Variants in FAM135B observed in about 807,000 individuals in gnomAD.
FAM135B encodes the protein family with sequence similarity 135 member B.
A neutral mutation model predicts 127.7 loss-of-function variants in FAM135B; 43 were observed. The ratio of observed to expected loss-of-function variants is 0.34; its 90% CI spans 0.26 to 0.43. The LOEUF (loss-of-function observed/expected upper bound fraction) is 0.43. Ranked by LOEUF, FAM135B falls within the 20% of genes least tolerant of loss-of-function variation. The pLI, the probability that FAM135B is intolerant of heterozygous loss-of-function variation, is 1.00. For missense variants in FAM135B, 1,558 were observed against 1,725.6 expected (o/e 0.90, Z 1.72); for synonymous variants, 670 against 665.1 (o/e 1.01, Z -0.11).
At position 138,241,861 on chromosome 8, in the gene FAM135B, T is replaced by C. The variant is rs1820804484; in HGVS notation, c.669+1081A>G. Among the ~76,000 whole-genome samples, 1 of 152,148 alleles carries C rather than the reference T, an allele frequency of 6.6e-6. No individual in the cohort carries two copies. On this transcript the variant is annotated intron_variant, in intron 7 of 19. Transcript: ENST00000395297. The surrounding 1 kb of genome is among the most constrained non-coding windows in gnomAD (Gnocchi z 4.8). ...GAACTGGTCAATTGAATAAAGCAGATAGCCCTCTCCAACATGAATAGGCCT... is the reference window on the plus strand; with the variant it reads ...GAACTGGTCAATTGAATAAAGCAGACAGCCCTCTCCAACATGAATAGGCCT...
At chr8:138,176,882 C>A (rs1814522878) in intron 11 of FAM135B, among the ~76,000 whole-genome samples, 1 of 152,170 alleles carries the variant, frequency 6.6e-6, no homozygotes, top group African/African-American at 2.4e-5. Context: ...GAGTACCTTT[C>A]AATTTTTTTT....
At position 138,170,450 on chromosome 8, in the gene FAM135B, G is replaced by A. The variant is rs372161419; in HGVS notation, c.1104-2401C>T. Among the ~76,000 whole-genome samples the A allele has an allele frequency of 4.6e-5, 7 of 152,166 alleles. No individual in the cohort carries two copies. The East Asian group carries it at 5.8e-4, about 13-fold the overall frequency. On this transcript the variant is annotated intron_variant, in intron 11 of 19. Transcript: ENST00000395297. ...TTGGTCAGGCTGGTCTTGAACTCCC[G>A]ACCTCAGGTGATCTGCCCACCTAGG...
At chr8:138,215,455 T>C (rs1292741795) in intron 7 of FAM135B, among the ~76,000 whole-genome samples, 2 of 152,122 alleles carry the variant, frequency 1.3e-5, no homozygotes, top group African/African-American at 4.8e-5. Context: ...ACCACCATGA[T>C]CCCTGGAAAT....
At chr8:138,387,426 C>T (rs1832284463) in intron 1 of FAM135B, among the ~76,000 whole-genome samples, 1 of 152,166 alleles carries the variant, frequency 6.6e-6, no homozygotes, top group Non-Finnish European at 1.5e-5. Flanking sequence ...GAAGCAAATG[C>T]AGTTCAGATA....
intron 1 of FAM135B, among the ~76,000 whole-genome samples, chr8:138,404,604 T>A (rs1833346886): frequency 6.6e-6 from 1 of 152,194 alleles, no homozygotes. Flanking sequence ...TACAGCTGCC[T>A]TATCAACTAA....
chr8:138,222,637 G>A (rs1457165132), intron 7 of FAM135B, among the ~76,000 whole-genome samples: 1 of 150,844 alleles, frequency 6.6e-6, no homozygotes, highest in Non-Finnish European at 1.5e-5. Flanking sequence ...AGATGTGGTG[G>A]GGTTTTTTGT....
At chr8:138,370,451 T>G (rs529046973) in intron 1 of FAM135B, among the ~76,000 whole-genome samples, 24 of 151,946 alleles carry the variant, frequency 1.6e-4, no homozygotes, top group Non-Finnish European at 3.2e-4. Flanking sequence ...GGTTTTTGTT[T>G]GTTTGTTTGT....
At chr8:138,484,516 TA>T (rs540347734) in intron 1 of FAM135B, among the ~76,000 whole-genome samples, 117 of 152,340 alleles carry the variant, frequency 7.7e-4, no homozygotes, top group Non-Finnish European at 6.6e-4. Context: ...TCTTGGCTTT[TA>T]TTTTTTTAGG....
chr8:138,240,190 T>C (rs1820634128), intron 7 of FAM135B, among the ~76,000 whole-genome samples: 1 of 152,090 alleles, frequency 6.6e-6, no homozygotes, highest in Non-Finnish European at 1.5e-5. Flanking sequence ...AGTGAATGAG[T>C]TCCCCCAAGC....
In FAM135B at chr8:138,159,189, G is replaced by A. The variant is rs1465586379; in HGVS notation, c.1259-5973C>T. Among the ~76,000 whole-genome samples the A allele has an allele frequency of 9.5e-4, 137 of 144,100 alleles. 1 individual carries two copies. The South Asian group carries it at 0.013, about 14-fold the overall frequency. 94.5% of individuals were successfully genotyped at this position (144,100 alleles called of 152,430 possible). A position where few individuals can be genotyped will look rare whatever the true frequency, so the allele number is the denominator to read the frequency against. ...CGGGAGGCTGAGGCAGGAGAATGGC[G>A]TGAACCCGGGAAGCGGAGCTTGCAG... On this transcript the variant is annotated intron_variant, in intron 12 of 19. Transcript: ENST00000395297.
chr8:138,293,076 G>C (rs769939005), intron 3 of FAM135B, among the ~76,000 whole-genome samples: 1 of 152,092 alleles, frequency 6.6e-6, no homozygotes, highest in Non-Finnish European at 1.5e-5. Flanking sequence ...GAAAAGAATA[G>C]AGAACTCAGA....
intron 7 of FAM135B, among the ~76,000 whole-genome samples, chr8:138,208,868 C>T (rs530750204): frequency 5.9e-5 from 9 of 151,980 alleles, no homozygotes; most frequent in Non-Finnish European, 1.0e-4. Flanking sequence ...TTGACCTATT[C>T]AGAACTTTTA....
At chr8:138,216,663 G>T (rs1413581761) in intron 7 of FAM135B, among the ~76,000 whole-genome samples, 3 of 152,192 alleles carry the variant, frequency 2.0e-5, no homozygotes, top group East Asian at 3.8e-4. Context: ...ATGTGTTTAT[G>T]AACAAGTTGG....
rs114710385 is a variant in FAM135B at position 138,394,852 on chromosome 8, C to T, written c.-19-26850G>A. Among the ~76,000 whole-genome samples, 339 of 152,236 alleles carry T rather than the reference C, an allele frequency of 2.2e-3. 1 individual carries two copies. The highest frequency in any genetic ancestry group is 7.8e-3 in the African/African-American group (326 of 41,548). On this transcript the variant is annotated intron_variant, in intron 1 of 19. Transcript: ENST00000395297. ...AGCTGTCCGTGTAAGCAGCAGCACT[C>T]GAGTTAATTGCCAGCTGGGTACACG...
intron 6 of FAM135B, among the ~76,000 whole-genome samples, chr8:138,244,876 T>C (rs1231886863): frequency 6.6e-6 from 1 of 152,162 alleles, no homozygotes; most frequent in Non-Finnish European, 1.5e-5. Context: ...CTTCAGCTTG[T>C]TTTAGTGAAG....
intron 1 of FAM135B, among the ~76,000 whole-genome samples, chr8:138,479,683 A>G (rs893661592): frequency 6.6e-6 from 1 of 152,238 alleles, no homozygotes; most frequent in Admixed American, 6.5e-5. Context: ...AATGCCTGCT[A>G]AAATAAATTC....
intron 1 of FAM135B, among the ~76,000 whole-genome samples, chr8:138,404,822 A>C (rs1223394640): frequency 6.6e-6 from 1 of 152,126 alleles, no homozygotes; most frequent in African/African-American, 2.4e-5. Context: ...CTTCTAACAC[A>C]TCTACAGTTA....
chr8:138,442,237 CATATATATATATATATATATATATAT>C (rs759993575), intron 1 of FAM135B, among the ~76,000 whole-genome samples: 11 of 51,898 alleles, frequency 2.1e-4, no homozygotes, highest in African/African-American at 2.0e-4. Context: ...ATATGGACAC[CATATATATATATATATATATATATAT>C]ATATATATAT....
intron 2 of FAM135B, among the ~76,000 whole-genome samples, chr8:138,333,354 C>T (rs973351215): frequency 3.3e-5 from 5 of 152,180 alleles, no homozygotes; most frequent in African/African-American, 1.2e-4. Flanking sequence ...CTTCCTACTC[C>T]CTAGGCATCT....
Sources: allele counts gnomAD v4.1 joint callset (sites outside exome capture counted in the v4.1 genomes callset), GRCh38; gene constraint gnomAD v4.1.1; non-coding constraint Gnocchi (gnomAD v3.1); transcripts MANE v1.5; gene names NCBI Gene and HGNC (gene_info 2026-07-23, HGNC 2026-07-21).